PIGS: variants seen among roughly 807,000 people sequenced by gnomAD.
PIGS encodes the protein phosphatidylinositol glycan anchor biosynthesis class S, also known as GPI-anchor transamidase component PIGS.
PIGS carries 37 observed loss-of-function variants against 58.2 expected under a neutral mutation model. That is an observed-to-expected ratio of 0.64 (90% confidence interval 0.49 to 0.84). The LOEUF (loss-of-function observed/expected upper bound fraction) is 0.84. PIGS is among the 40% of genes least tolerant of loss of function. The pLI is 0.00. For synonymous variants in PIGS, 269 were observed against 289.2 expected (o/e 0.93, Z 0.71); for missense variants, 629 against 710.8 (o/e 0.88, Z 1.31).
In PIGS at chr17:28,558,560, G is replaced by A; in HGVS notation, c.850C>T (p.Pro284Ser). The change falls in exon 8 of 12, where the codon CCC becomes TCC. Residue 284 changes from proline to serine, a missense_variant. Pro to Ser is a moderately conservative substitution (Grantham distance 74). Transcript: ENST00000308360. ...CTGGAGGAAGCTGAGTCAAAGCGGG[G>A]ATTCACCCCCAACATTGCATAGTAA... The part of the protein sequence containing the change: ...ILYYAMLGVN[P>S]RFDSASSSYY... 6.2e-7 allele frequency: 1 copy of A among 1,612,694 alleles called. No homozygotes were observed.
At chr17:28,559,699 C>CAAAAA (rs761803589) in intron 7 of PIGS, among the ~76,000 whole-genome samples, 1 of 45,722 alleles carries the variant, frequency 2.2e-5, no homozygotes, top group African/African-American at 8.2e-5. Flanking sequence ...GACTCTGTCT[C>CAAAAA]AAAAAAAAAA....
intron 3 of PIGS, among the ~76,000 whole-genome samples, chr17:28,568,901 G>A (rs1280071690): frequency 1.3e-5 from 2 of 151,662 alleles, no homozygotes; most frequent in African/African-American, 4.8e-5. Context: ...TTTGAGACCA[G>A]CCTAGCCAAC....
intron 7 of PIGS, 67 bp from the exon 8 acceptor site, chr17:28,558,657 T>C: frequency 2.3e-6 from 3 of 1,297,496 alleles, no homozygotes; most frequent in Non-Finnish European, 3.3e-6. Context: ...AAAAAAGATT[T>C]GAGGTGCCTT....
intron 8 of PIGS, among the ~76,000 whole-genome samples, chr17:28,558,171 T>A (rs1175326805): frequency 6.6e-6 from 1 of 152,154 alleles, no homozygotes; most frequent in East Asian, 1.9e-4. Context: ...CCAAGTGTAG[T>A]GGCACATACC....
intron 1 of PIGS, 124 bp downstream of exon 1, chr17:28,571,339 T>A: frequency 6.6e-7 from 1 of 1,518,384 alleles, no homozygotes; most frequent in Non-Finnish European, 8.9e-7. Context: ...CTGAAGGGAA[T>A]CTCGTCTGAA....
chr17:28,556,231 T>C lies in PIGS; in HGVS notation c.1116A>G (p.Ser372=). The C allele has an allele frequency of 6.2e-7, 1 of 1,613,814 alleles. No homozygotes were observed. Among genetic ancestry groups the C allele is most frequent in the Non-Finnish European group, 8.5e-7 (1 of 1,179,718 alleles). ...YNVDSKTYNA[S]VLPVRVEVDM... Reference sequence around the variant, plus strand: ...CCACCTCGACTCTCACTGGCAGCACTGAGGCATTATAGGTTTTGGAGTCAA... The same window carrying C: ...CCACCTCGACTCTCACTGGCAGCACCGAGGCATTATAGGTTTTGGAGTCAA... The change falls in exon 10 of 12, where the codon TCA becomes TCG. Residue 372 remains serine (S), a synonymous_variant. Transcript: ENST00000308360.
At chr17:28,554,529 T>G (rs2070313412) in intron 11 of PIGS, 34 bp from the exon 12 acceptor site, 2 of 1,602,680 alleles carry the variant, frequency 1.2e-6, no homozygotes, top group Non-Finnish European at 1.7e-6. Context: ...GGTATACCAG[T>G]AAGTCCTAGG....
Position 28,571,172 on chromosome 17 carries a change from C to T in PIGS, c.51G>A (p.Lys17=), listed in dbSNP as rs779768998. 6.2e-6 allele frequency: 10 copies of T among 1,613,254 alleles called. No individual in the cohort carries two copies. Among genetic ancestry groups the T allele is most frequent in the Non-Finnish European group, 8.5e-6 (10 of 1,179,940 alleles). Residue 17 remains lysine, a synonymous_variant, in exon 2 of 12, where the codon AAG becomes AAA. Transcript: ENST00000308360. ...CCGCAGCGAAGAAGAGGGCGGCGCG[C>T]TTGCCCCGGGCCACCTCTGAGGGCA... ...AATHLEVARG[K]RAALFFAAVA... is the part of the protein sequence containing the mutation.
chr17:28,554,672 G>A (rs1294523431), intron 11 of PIGS, among the ~76,000 whole-genome samples, 177 bp from the exon 12 acceptor site: 1 of 151,986 alleles, frequency 6.6e-6, no homozygotes, highest in Non-Finnish European at 1.5e-5. Flanking sequence ...TTGAAACCTC[G>A]CACTCTCATC....
rs755566243 is a variant in PIGS, at chr17:28,555,002, G to A, written c.1241C>T (p.Thr414Met). 2.0e-5 allele frequency: 33 copies of A among 1,610,598 alleles called. No homozygotes were observed. The highest frequency in any genetic ancestry group is 1.1e-4 in the South Asian group (10 of 90,548). Residue 414 changes from threonine to methionine, a missense_variant, in exon 11 of 12, where the codon ACG becomes ATG. Transcript: ENST00000308360. ...LPPKCLLSGP[T>M]SEGLMTWELD... The stretch of plus-strand genomic sequence containing the variant: ...CTCCCAGGTCATTAGCCCTTCACTC[G>A]TAGGCCCTGAAAGCAGGCATTTTGG...
At chr17:28,564,515 A>T (rs987092012) in intron 3 of PIGS, among the ~76,000 whole-genome samples, 1 of 152,126 alleles carries the variant, frequency 6.6e-6, no homozygotes, top group South Asian at 2.1e-4. Flanking sequence ...GGAGTTTGAG[A>T]CCAGCCTGGC....
At chr17:28,556,734 G>C in intron 9 of PIGS, 93 bp downstream of exon 9, 1 of 1,486,066 alleles carries the variant, frequency 6.7e-7, no homozygotes, top group Non-Finnish European at 9.0e-7. Flanking sequence ...GGCCATGGAG[G>C]ACACCAGAAG....
At chr17:28,560,332 T>G (rs2070355911) in intron 6 of PIGS, 141 bp from the exon 7 acceptor site, 1 of 1,040,296 alleles carries the variant, frequency 9.6e-7, no homozygotes, top group Non-Finnish European at 1.4e-6. Flanking sequence ...AGGACAAAAC[T>G]GGGATGAGGA....
intron 5 of PIGS, among the ~76,000 whole-genome samples, chr17:28,562,845 A>G (rs965696681): frequency 2.6e-5 from 4 of 152,082 alleles, no homozygotes; most frequent in Non-Finnish European, 5.9e-5. Context: ...CAAAAGTAAC[A>G]GGGACTACCA....
intron 7 of PIGS, 116 bp downstream of exon 7, chr17:28,559,933 T>A (rs966884031): frequency 7.4e-7 from 1 of 1,351,694 alleles, no homozygotes; most frequent in Non-Finnish European, 1.0e-6. Context: ...CTCACATACA[T>A]ATACACACAG....
chr17:28,568,043 T>G (rs1313850574), intron 3 of PIGS, among the ~76,000 whole-genome samples: 1 of 152,044 alleles, frequency 6.6e-6, no homozygotes, highest in African/African-American at 2.4e-5. Flanking sequence ...GAAAATTCCC[T>G]CTCCTCCTGT....
At chr17:28,566,378 C>T (rs1232586782) in intron 3 of PIGS, among the ~76,000 whole-genome samples, 1 of 150,876 alleles carries the variant, frequency 6.6e-6, no homozygotes, top group African/African-American at 2.4e-5. Context: ...GCAACATCCG[C>T]CTCCCCATTT....
intron 3 of PIGS, among the ~76,000 whole-genome samples, chr17:28,565,433 C>T (rs2070388431): frequency 1.3e-5 from 2 of 152,090 alleles, no homozygotes; most frequent in South Asian, 2.1e-4. Context: ...TCAACTCTCC[C>T]CAAATTAATA....
intron 3 of PIGS, 63 bp downstream of exon 3, chr17:28,570,789 C>T: frequency 1.3e-6 from 2 of 1,525,502 alleles, no homozygotes; most frequent in East Asian, 2.3e-5. Flanking sequence ...CCGCTCCTCC[C>T]ACCCAACTCA....
Sources: allele counts gnomAD v4.1 joint callset (sites outside exome capture counted in the v4.1 genomes callset), GRCh38; gene constraint gnomAD v4.1.1; transcripts MANE v1.5; gene names NCBI Gene and HGNC (gene_info 2026-07-23, HGNC 2026-07-21).